The following TBC1D32 variants were observed in gnomAD, a reference collection of about 807,000 sequenced individuals.
TBC1D32 encodes the protein TBC1 domain family member 32, also known as protein broad-minded.
In TBC1D32, 151 loss-of-function variants were observed where a neutral mutation model predicts 170.3. The ratio of observed to expected loss-of-function variants is 0.89; its 90% CI spans 0.78 to 1.01. The LOEUF is 1.01. Ranked by LOEUF, TBC1D32 falls within the 50% of genes least tolerant of loss-of-function variation. The pLI is 0.00. For missense variants in TBC1D32, 1,464 were observed against 1,457.1 expected (o/e 1.00, Z -0.08); for synonymous variants, 498 against 488.0 (o/e 1.02, Z -0.27).
intron 22 of TBC1D32, among the ~76,000 whole-genome samples, chr6:121,180,210 G>A (rs932691153): frequency 1.3e-5 from 2 of 152,012 alleles, no homozygotes; most frequent in African/African-American, 2.4e-5. Flanking sequence ...AAATCTCAGC[G>A]ACTTGGTTTA....
chr6:121,310,865 G>A lies in TBC1D32; in HGVS notation c.496-18C>T, dbSNP rs1162606244. ...TTGTAACTCTGTAACACAATTGTCA[G>A]GACATTCATTTATTTAGAAGGCTTT... is the stretch of plus-strand genomic sequence containing the variant. On this transcript the variant is annotated intron_variant, in intron 3 of 31. Transcript: ENST00000398212. The A allele has an allele frequency of 3.7e-6, 5 of 1,348,282 alleles. No individual in the cohort carries two copies. The highest frequency in any genetic ancestry group is 1.8e-4 in the Middle Eastern group (1 of 5,562). 83.5% of individuals were successfully genotyped at this position (1,348,282 alleles called of 1,614,324 possible). A position where few individuals can be genotyped will look rare whatever the true frequency, so the allele number is the denominator to read the frequency against.
chr6:121,290,583 T>C (rs1350545521), intron 12 of TBC1D32, among the ~76,000 whole-genome samples: 1 of 152,178 alleles, frequency 6.6e-6, no homozygotes, highest in South Asian at 2.1e-4. Flanking sequence ...ATTGTGGAAG[T>C]CAGTGTGGCG....
At chr6:121,310,712 A>G (rs767119289) in intron 4 of TBC1D32, 67 bp downstream of exon 4, 21 of 1,033,258 alleles carry the variant, frequency 2.0e-5, no homozygotes, top group Non-Finnish European at 3.1e-5. Context: ...GTTGCTACTG[A>G]TTGTAATCTC....
intron 3 of TBC1D32, among the ~76,000 whole-genome samples, chr6:121,315,781 C>T (rs1808849026): frequency 1.3e-5 from 2 of 152,148 alleles, no homozygotes; most frequent in Non-Finnish European, 2.9e-5. Context: ...CTTTGGTCAG[C>T]TATATGAAAG....
chr6:121,175,438 A>G (rs1243158898), intron 22 of TBC1D32, among the ~76,000 whole-genome samples: 1 of 152,228 alleles, frequency 6.6e-6, no homozygotes, highest in African/African-American at 2.4e-5. Flanking sequence ...TACTAGAAAT[A>G]ATGTAAAGCT....
intron 15 of TBC1D32, among the ~76,000 whole-genome samples, chr6:121,273,275 T>C (rs1801735403): frequency 6.9e-6 from 1 of 145,232 alleles, no homozygotes; most frequent in Non-Finnish European, 1.5e-5. Flanking sequence ...GAAAAGAAAA[T>C]GTGGCACATA....
In TBC1D32 at chr6:121,131,647, G is replaced by A. The variant is rs1471776037; in HGVS notation, c.2879C>T (p.Pro960Leu). 2.5e-6 allele frequency: 4 copies of A among 1,611,542 alleles called. No homozygotes were observed. Among genetic ancestry groups the A allele is most frequent in the Non-Finnish European group, 3.4e-6 (4 of 1,178,738 alleles). ...RQFCKMMKAK[P>L]DIISGEALIE... ...CTTACCCTCTCCACTGATTATATCA[G>A]GTTTGGCTTTCATCATTTTGCAAAA... The change falls in exon 25 of 32, where the codon CCT (proline) becomes CTT (leucine). Residue 960 changes from proline (P) to leucine (L), a missense_variant. Physicochemically the swap from Pro to Leu is moderately conservative, Grantham distance 98. This residue lies in a region of TBC1D32 where 1,363 missense variants were observed against 1,338.1 expected (regional missense o/e 1.02). Coordinates refer to ENST00000398212, the MANE Select transcript of TBC1D32 (RefSeq NM_152730.6).
At chr6:121,095,285 A>G (rs1240085320) in intron 30 of TBC1D32, among the ~76,000 whole-genome samples, 2 of 152,182 alleles carry the variant, frequency 1.3e-5, no homozygotes, top group African/African-American at 4.8e-5. Flanking sequence ...GCCAGAGGAC[A>G]TTAAGATGCC....
chr6:121,146,025 G>A (rs1326027119), intron 24 of TBC1D32, among the ~76,000 whole-genome samples: 2 of 152,160 alleles, frequency 1.3e-5, no homozygotes, highest in Non-Finnish European at 2.9e-5. Flanking sequence ...AACAAAGCTG[G>A]GGTAGGCAAG....
chr6:121,323,190 T>A (rs977525419), intron 1 of TBC1D32, among the ~76,000 whole-genome samples: 2 of 152,218 alleles, frequency 1.3e-5, no homozygotes, highest in African/African-American at 4.8e-5. Flanking sequence ...CATGTGTTAA[T>A]GTTCCTGTAC....
At chr6:121,205,053 A>G (rs1792063036) in intron 22 of TBC1D32, 22 bp downstream of exon 22, 2 of 1,350,758 alleles carry the variant, frequency 1.5e-6, no homozygotes, top group Non-Finnish European at 1.0e-6. Flanking sequence ...TATAATATCA[A>G]AAGTAAAATG....
intron 24 of TBC1D32, among the ~76,000 whole-genome samples, chr6:121,158,836 C>T (rs1785228544): frequency 6.6e-6 from 1 of 152,146 alleles, no homozygotes; most frequent in African/African-American, 2.4e-5. Context: ...GTAGCTTCAT[C>T]TTTCATCTTA....
At chr6:121,194,170 G>A (rs1260675986) in intron 22 of TBC1D32, among the ~76,000 whole-genome samples, 3 of 152,134 alleles carry the variant, frequency 2.0e-5, no homozygotes, top group South Asian at 2.1e-4. Flanking sequence ...TTTAGCTCAC[G>A]TTGACTTACA....
intron 24 of TBC1D32, among the ~76,000 whole-genome samples, chr6:121,150,840 A>G (rs529707135): frequency 1.3e-5 from 2 of 152,236 alleles, no homozygotes; most frequent in Admixed American, 6.5e-5. Flanking sequence ...CTGTGGGATC[A>G]GTGGTGATAT....
chr6:121,157,521 T>C (rs1785059423), intron 24 of TBC1D32, among the ~76,000 whole-genome samples: 1 of 152,148 alleles, frequency 6.6e-6, no homozygotes, highest in African/African-American at 2.4e-5. Flanking sequence ...TTAGTACTGA[T>C]ATGTGAGATT....
chr6:121,160,303 C>A (rs1785452212), intron 23 of TBC1D32, among the ~76,000 whole-genome samples, 200 bp from the exon 24 acceptor site: 1 of 151,974 alleles, frequency 6.6e-6, no homozygotes, highest in Admixed American at 6.6e-5. Flanking sequence ...GTAACAGAAA[C>A]AATATTAAAT....
Position 121,294,585 on chromosome 6 carries a change from G to C in TBC1D32, c.1216C>G (p.His406Asp), listed in dbSNP as rs774009815. 5 of 1,611,316 alleles carry C rather than the reference G, an allele frequency of 3.1e-6. No individual in the cohort carries two copies. In the East Asian group the frequency reaches 1.1e-4, roughly 36 times the overall value. ...TAATACTTACTGCAATGCTTTGAATGTCCCAAAGTTTCATCAGCTTTCCTA... is the reference window on the plus strand; with the variant it reads ...TAATACTTACTGCAATGCTTTGAATCTCCCAAAGTTTCATCAGCTTTCCTA... The part of the protein sequence containing the change: ...KTRKADETLG[H>D]SKHCRNKQKT... Residue 406 changes from histidine (H) to aspartate (D), a missense_variant, in exon 11 of 32, where the codon CAT becomes GAT. By Grantham distance (81) the His-to-Asp change is moderately conservative. This residue lies in a region of TBC1D32 where 1,363 missense variants were observed against 1,338.1 expected (regional missense o/e 1.02). Coordinates refer to ENST00000398212, the MANE Select transcript of TBC1D32 (RefSeq NM_152730.6).
chr6:121,125,501 A>ATAACGATGTGTAAGCCAG lies in TBC1D32; in HGVS notation c.2983+876_2983+877insCTGGCTTACACATCGTTA, dbSNP rs754937036. 3.5e-4 allele frequency among the ~76,000 whole-genome samples: 53 copies of ATAACGATGTGTAAGCCAG among 152,108 alleles called. No individual in the cohort carries two copies. The South Asian group carries it at 8.9e-3, about 26-fold the overall frequency. ...CTGATAGGCTATCTCGTTGGCTCAGACAGGGATGTGTAAGCCAGCAGGTCT... is the reference window on the plus strand; with the variant it reads ...CTGATAGGCTATCTCGTTGGCTCAGATAACGATGTGTAAGCCAGCAGGGATGTGTAAGCCAGCAGGTCT... On this transcript the variant is annotated intron_variant, in intron 26 of 31. Coordinates refer to ENST00000398212, the MANE Select transcript of TBC1D32 (RefSeq NM_152730.6).
chr6:121,205,826 T>C (rs1792178694), intron 21 of TBC1D32, among the ~76,000 whole-genome samples: 1 of 152,162 alleles, frequency 6.6e-6, no homozygotes, highest in Non-Finnish European at 1.5e-5. Context: ...AAACCACTGA[T>C]GCAAATATAC....
Sources: gnomAD v4.1 joint callset for allele counts (sites outside exome capture counted in the v4.1 genomes callset) on GRCh38, gnomAD v4.1.1 for gene constraint, gnomAD v4.1.1 regional missense constraint, MANE v1.5 for transcripts, NCBI Gene and HGNC (gene_info 2026-07-23, HGNC 2026-07-21) for gene names.